The following REG1B variants were observed in gnomAD, a reference collection of about 807,000 sequenced individuals.
REG1B encodes lithostathine-1-beta.
A neutral mutation model predicts 20.4 loss-of-function variants in REG1B; 21 were observed. The observed-to-expected ratio is 1.03, with a 90% confidence interval of 0.73 to 1.48. The LOEUF (loss-of-function observed/expected upper bound fraction) is 1.48, where lower values mean the gene tolerates loss of function less well. Among genes scored for constraint, REG1B ranks in the 40% most tolerant of loss-of-function variants. The pLI, the probability that REG1B is intolerant of heterozygous loss-of-function variation, is 0.00. For synonymous variants in REG1B, 82 were observed against 73.4 expected (o/e 1.12, Z -0.60); for missense variants, 247 against 197.2 (o/e 1.25, Z -1.51).
chr2:79,086,630 A>G (rs906108320), intron 3 of REG1B, 126 bp from the exon 4 acceptor site: 6 of 1,361,316 alleles, frequency 4.4e-6, no homozygotes, highest in Non-Finnish European at 6.2e-6. Flanking sequence ...GTCACTGACC[A>G]CCAGCATCTC....
Position 79,087,580 on chromosome 2 carries a change from G to A in REG1B, c.33C>T (p.Ile11=). Residue 11 remains isoleucine (I), a synonymous_variant, in exon 2 of 6, where the codon ATC becomes ATT. Coordinates refer to ENST00000305089, the MANE Select transcript of REG1B (RefSeq NM_006507.4). The part of the protein sequence containing the change: MAQTNSFFML[I]SSLMFLSLSQ... ...TCAGAGACAGGAACATCAGGGAGGAGATCAGCATGAAGAACGAGTTGGTCT... is the reference window on the plus strand; with the variant it reads ...TCAGAGACAGGAACATCAGGGAGGAAATCAGCATGAAGAACGAGTTGGTCT... 6.2e-7 allele frequency: 1 copy of A among 1,613,928 alleles called. No individual in the cohort carries two copies. Among genetic ancestry groups the A allele is most frequent in the Non-Finnish European group, 8.5e-7 (1 of 1,179,902 alleles).
rs1198828404 is a variant in REG1B, at chr2:79,087,393, G to A, written c.64+156C>T. 7 of 684,332 alleles carry A rather than the reference G, an allele frequency of 1.0e-5. No individual in the cohort carries two copies. In the East Asian group the frequency reaches 1.6e-4, roughly 16 times the overall value. The allele number at this position is 684,332 out of a possible 1,614,324, so 42.4% of individuals were successfully genotyped here. ...TCTCAAACCCATGAATGAGGTGAGG[G>A]TGTTTTTGAATGGGATAAAATCAGC... On this transcript the variant is annotated intron_variant, in intron 2 of 5. Coordinates refer to ENST00000305089, the MANE Select transcript of REG1B (RefSeq NM_006507.4).
chr2:79,085,512 G>C lies in REG1B; in HGVS notation c.413C>G (p.Ala138Gly). 1 of 1,613,608 alleles carries C rather than the reference G, an allele frequency of 6.2e-7. No individual in the cohort carries two copies. The highest frequency in any genetic ancestry group is 1.1e-5 in the South Asian group (1 of 91,070). Reference protein sequence around the residue: ...SPSSANAGYCASLTSCSGFKK... With the variant: ...SPSSANAGYCGSLTSCSGFKK... ...CTCACCTGAGCATGAAGTCAGGCTTGCACAGTAGCCAGCATTAGCACTGCT... is the reference window on the plus strand; with the variant it reads ...CTCACCTGAGCATGAAGTCAGGCTTCCACAGTAGCCAGCATTAGCACTGCT... The change falls in exon 5 of 6, where the codon GCA becomes GGA. Residue 138 changes from alanine (A) to glycine (G), a missense_variant. Physicochemically the swap from Ala to Gly is moderately conservative, Grantham distance 60. Coordinates refer to ENST00000305089, the MANE Select transcript of REG1B (RefSeq NM_006507.4).
intron 4 of REG1B, chr2:79,085,859 A>AGAGT (rs1445467092): frequency 3.3e-5 from 10 of 305,504 alleles, no homozygotes; most frequent in Non-Finnish European, 6.1e-5. Context: ...CCCATTAAAG[A>AGAGT]GAGTGGTTTC....
rs773535153 is a variant in REG1B at position 79,087,508 on chromosome 2, T to C, written c.64+41A>G. 14 of 1,600,590 alleles carry C rather than the reference T, an allele frequency of 8.7e-6. No homozygotes were observed. The South Asian group carries it at 1.6e-4, about 18-fold the overall frequency. Reference sequence around the variant, plus strand: ...TTATACATGAGGATGGAGGGAAGAATTCAGAGTTGGGGTTGTGGGAAGTGT... The same window carrying C: ...TTATACATGAGGATGGAGGGAAGAACTCAGAGTTGGGGTTGTGGGAAGTGT... On this transcript the variant is annotated intron_variant, in intron 2 of 5. Transcript: ENST00000305089.
chr2:79,086,325 TCAAAAATGTTTA>T, intron 4 of REG1B, 30 bp downstream of exon 4: 1 of 1,611,080 alleles, frequency 6.2e-7, no homozygotes, highest in South Asian at 1.1e-5. Flanking sequence ...CTCTTACCTC[TCAAAAATGTTTA>T]TAAGGAGATA....
intron 2 of REG1B, chr2:79,087,232 C>T (rs898339144): frequency 5.6e-6 from 3 of 532,662 alleles, no homozygotes; most frequent in Non-Finnish European, 1.0e-5. Flanking sequence ...CTCTCGGTTT[C>T]CCTGCACACG....
At position 79,086,616 on chromosome 2, in the gene REG1B, T is replaced by G. The variant is rs1181094989; in HGVS notation, c.184-112A>C. 6.3e-6 allele frequency: 9 copies of G among 1,425,364 alleles called. No homozygotes were observed. The Admixed American group carries it at 1.6e-4, about 25-fold the overall frequency. 88.3% of individuals were successfully genotyped at this position (1,425,364 alleles called of 1,614,324 possible). Reference sequence around the variant, plus strand: ...GACAGCACAGAAATGTCCCTGATGATGCTGTCACTGACCACCAGCATCTCT... The same window carrying G: ...GACAGCACAGAAATGTCCCTGATGAGGCTGTCACTGACCACCAGCATCTCT... On this transcript the variant is annotated intron_variant, in intron 3 of 5. Coordinates refer to ENST00000305089, the MANE Select transcript of REG1B (RefSeq NM_006507.4).
chr2:79,085,329 G>C, intron 5 of REG1B, 46 bp from the exon 6 acceptor site: 1 of 1,476,584 alleles, frequency 6.8e-7, no homozygotes, highest in South Asian at 1.1e-5. Flanking sequence ...CAGAAGGAGT[G>C]TAGCCCCTCC....
At position 79,086,402 on chromosome 2, in the gene REG1B, T is replaced by C. The variant is rs1264946719; in HGVS notation, c.286A>G (p.Ser96Gly). Residue 96 changes from serine (S) to glycine (G), a missense_variant, in exon 4 of 6, where the codon AGC (serine) becomes GGC (glycine). Physicochemically the swap from Ser to Gly is moderately conservative, Grantham distance 56 (BLOSUM62 0). Transcript: ENST00000305089. Reference protein sequence around the residue: ...SLIKESSTDDSNVWIGLHDPK... With the variant: ...SLIKESSTDDGNVWIGLHDPK... ...TCATGGAGGCCAATCCAGACATTGCTGTCATCAGTGCTACTCTCCTTAATC... is the reference window on the plus strand; with the variant it reads ...TCATGGAGGCCAATCCAGACATTGCCGTCATCAGTGCTACTCTCCTTAATC... 6.2e-7 allele frequency: 1 copy of C among 1,613,982 alleles called. No homozygotes were observed. Among genetic ancestry groups the C allele is most frequent in the African/African-American group, 1.3e-5 (1 of 74,926 alleles).
chr2:79,086,997 T>A, intron 2 of REG1B, 67 bp from the exon 3 acceptor site: 1 of 1,305,598 alleles, frequency 7.7e-7, no homozygotes, highest in Non-Finnish European at 1.1e-6. Context: ...GGAAGGTGAA[T>A]TAGGGGCTTC....
Position 79,085,337 on chromosome 2 carries a change from T to A in REG1B, c.434-54A>T, listed in dbSNP as rs868377826. 1.9e-5 allele frequency: 28 copies of A among 1,447,118 alleles called. No homozygotes were observed. In the South Asian group the frequency reaches 2.1e-4, roughly 11 times the overall value. 89.6% of individuals were successfully genotyped at this position (1,447,118 alleles called of 1,614,324 possible). Reference sequence around the variant, plus strand: ...AGAGGATCAGAAGGAGTGTAGCCCCTCCTCAACCTAGGACTCAGAACAAAA... The same window carrying A: ...AGAGGATCAGAAGGAGTGTAGCCCCACCTCAACCTAGGACTCAGAACAAAA... On this transcript the variant is annotated intron_variant, in intron 5 of 5. Coordinates refer to ENST00000305089, the MANE Select transcript of REG1B (RefSeq NM_006507.4).
At chr2:79,085,428 T>A (rs748673901) in intron 5 of REG1B, 64 bp downstream of exon 5, 1 of 1,414,406 alleles carries the variant, frequency 7.1e-7, no homozygotes, top group Admixed American at 1.7e-5. Flanking sequence ...CCAGTCCCCA[T>A]GTTCATCCCC....
At chr2:79,085,310 A>T in intron 5 of REG1B, 27 bp from the exon 6 acceptor site, 2 of 1,557,642 alleles carry the variant, frequency 1.3e-6, no homozygotes, top group East Asian at 2.2e-5. Context: ...AGTGTCAGAC[A>T]TAGAGGATCA....
chr2:79,085,617 G>T lies in REG1B; in HGVS notation c.322-14C>A. 1 of 1,555,048 alleles carries T rather than the reference G, an allele frequency of 6.4e-7. No individual in the cohort carries two copies. Among genetic ancestry groups the T allele is most frequent in the East Asian group, 2.2e-5 (1 of 44,512 alleles). ...CCAGCGGCGGTTCTAGATGGAGAAGGGCCAGAACAGGGGCCATGGTCACTC... is the reference window on the plus strand; with the variant it reads ...CCAGCGGCGGTTCTAGATGGAGAAGTGCCAGAACAGGGGCCATGGTCACTC... On this transcript the variant is annotated splice_polypyrimidine_tract_variant and intron_variant, in intron 4 of 5. Coordinates refer to ENST00000305089, the MANE Select transcript of REG1B (RefSeq NM_006507.4).
In REG1B at chr2:79,086,963, G is replaced by C. The variant is rs1051321140; in HGVS notation, c.65-33C>G. 5 of 1,567,774 alleles carry C rather than the reference G, an allele frequency of 3.2e-6. No homozygotes were observed. In the Admixed American group the frequency reaches 8.4e-5, roughly 26 times the overall value. On this transcript the variant is annotated intron_variant, in intron 2 of 5. Coordinates refer to ENST00000305089, the MANE Select transcript of REG1B (RefSeq NM_006507.4). ...AAAAAAAAAGGAGATAATTAAGAAA[G>C]AATCGCAGGGCAAGGAAAAGGCTGG... is the stretch of plus-strand genomic sequence containing the variant.
rs41288781 is a variant in REG1B at position 79,085,148 on chromosome 2, G to C, written c.*68C>G. On this transcript the variant is annotated 3_prime_UTR_variant, in exon 6 of 6. Transcript: ENST00000305089. ...TGGTCTGAACTGAGTTGGAGACATA[G>C]TCTAGTTTAATTTTTGACTTCATAG... 1 of 1,123,390 alleles carries C rather than the reference G, an allele frequency of 8.9e-7. No individual in the cohort carries two copies. The highest frequency in any genetic ancestry group is 1.5e-5 in the African/African-American group (1 of 65,608). The allele number at this position is 1,123,390 out of a possible 1,614,324, so 69.6% of individuals were successfully genotyped here. A position where few individuals can be genotyped will look rare whatever the true frequency, so the allele number is the denominator to read the frequency against.
Position 79,086,845 on chromosome 2 carries a change from A to G in REG1B, c.150T>C (p.Phe50=). ...CAACCCAGGTCTCAGGGTCTTCATTAAAGTAGTAGCAGTAGGAGCGATAGG... is the reference window on the plus strand; with the variant it reads ...CAACCCAGGTCTCAGGGTCTTCATTGAAGTAGTAGCAGTAGGAGCGATAGG... ...TNAYRSYCYY[F]NEDPETWVDA... is the part of the protein sequence containing the mutation. The change falls in exon 3 of 6, where the codon TTT becomes TTC. Residue 50 remains phenylalanine (F), a synonymous_variant. Coordinates refer to ENST00000305089, the MANE Select transcript of REG1B (RefSeq NM_006507.4). 1 of 1,614,014 alleles carries G rather than the reference A, an allele frequency of 6.2e-7. No homozygotes were observed. The highest frequency in any genetic ancestry group is 8.5e-7 in the Non-Finnish European group (1 of 1,179,978).
intron 4 of REG1B, chr2:79,085,864 G>T (rs1672391556): frequency 1.3e-5 from 4 of 297,502 alleles, no homozygotes; most frequent in Non-Finnish European, 2.5e-5. Flanking sequence ...TAAAGAGAGT[G>T]GTTTCTGATT....
Sources: gnomAD v4.1 joint callset for allele counts on GRCh38, gnomAD v4.1.1 for gene constraint, MANE v1.5 for transcripts, NCBI Gene and HGNC (gene_info 2026-07-23, HGNC 2026-07-21) for gene names.